Variants in SEC13 observed in about 807,000 individuals in gnomAD.
SEC13 encodes the protein SEC13 homolog, nuclear pore and COPII component, also known as protein SEC13 homolog.
In SEC13, 25 loss-of-function variants were observed where a neutral mutation model predicts 49.2. The observed-to-expected ratio is 0.51, with a 90% CI of 0.37 to 0.71. The LOEUF (loss-of-function observed/expected upper bound fraction) is 0.71, where lower values mean the gene tolerates loss of function less well. SEC13 is among the 30% of genes least tolerant of loss of function. The pLI is 0.00. For missense variants in SEC13, 383 were observed against 417.6 expected, an observed-to-expected ratio of 0.92 and a Z score of 0.72; for synonymous variants, 148 against 163.9, an observed-to-expected ratio of 0.90 and a Z score of 0.74.
At chr3:10,310,609 C>G (rs911494863) in intron 5 of SEC13, among the ~76,000 whole-genome samples, 6 of 152,120 alleles carry the variant, frequency 3.9e-5, no homozygotes, top group African/African-American at 1.4e-4. Context: ...AAATTAGAAC[C>G]CTCATACACT....
At chr3:10,313,131 C>A (rs756854662) in intron 3 of SEC13, 8 of 228,074 alleles carry the variant, frequency 3.5e-5, no homozygotes, top group Middle Eastern at 2.0e-3. Context: ...TCCTTCCCGA[C>A]GGTCAGCTTC....
intron 2 of SEC13, among the ~76,000 whole-genome samples, chr3:10,316,592 T>G (rs1202930275): frequency 6.6e-6 from 1 of 152,144 alleles, no homozygotes; most frequent in African/African-American, 2.4e-5. Flanking sequence ...TTGAAAACAC[T>G]TCATCTCCTT....
chr3:10,312,383 T>A (rs1701329846), intron 4 of SEC13, among the ~76,000 whole-genome samples, 196 bp downstream of exon 4: 1 of 152,214 alleles, frequency 6.6e-6, no homozygotes, highest in Non-Finnish European at 1.5e-5. Flanking sequence ...CTCACCTGTC[T>A]TTTCTTATTT....
At chr3:10,312,510 T>C in intron 4 of SEC13, 69 bp downstream of exon 4, 3 of 1,560,936 alleles carry the variant, frequency 1.9e-6, no homozygotes, top group South Asian at 1.2e-5. Context: ...GAGCCAGGGC[T>C]CCAGCCGGGA....
chr3:10,315,159 G>A lies in SEC13; in HGVS notation c.164+162C>T, dbSNP rs558191570. 1.3e-4 allele frequency: 78 copies of A among 600,450 alleles called. No individual in the cohort carries two copies. In the Middle Eastern group the frequency reaches 4.7e-3, roughly 36 times the overall value. The allele number at this position is 600,450 out of a possible 1,614,324, so 37.2% of individuals were successfully genotyped here. ...AACAGCATCATCCCTGGGGACGTCC[G>A]CTGAGGACAGCCAGGCTGGCTGGGA... On this transcript the variant is annotated intron_variant, in intron 3 of 8. Transcript: ENST00000350697.
chr3:10,301,022 A>C lies in SEC13; in HGVS notation c.*239T>G. ...AAGGTACATAAAAATGACCCAAAAT[A>C]GATTTGAACATCACTTGTAGTTTCT... On this transcript the variant is annotated 3_prime_UTR_variant, in exon 9 of 9. Transcript: ENST00000350697. 6.6e-7 allele frequency: 1 copy of C among 1,523,650 alleles called. No individual in the cohort carries two copies. Among genetic ancestry groups the C allele is most frequent in the Non-Finnish European group, 9.0e-7 (1 of 1,112,946 alleles). 94.4% of individuals were successfully genotyped at this position (1,523,650 alleles called of 1,614,324 possible). A position where few individuals can be genotyped will look rare whatever the true frequency, so the allele number is the denominator to read the frequency against.
At chr3:10,317,844 T>C (rs1293726792) in intron 2 of SEC13, among the ~76,000 whole-genome samples, 2 of 152,184 alleles carry the variant, frequency 1.3e-5, no homozygotes, top group Middle Eastern at 3.2e-3. Context: ...AGAGAGTGAT[T>C]AGACTGCCAC....
At chr3:10,317,965 G>T in intron 2 of SEC13, 85 bp downstream of exon 2, 1 of 856,486 alleles carries the variant, frequency 1.2e-6, no homozygotes, top group South Asian at 1.4e-5. Context: ...TCAACAGAAA[G>T]GGGTAATGAA....
chr3:10,302,468 G>A lies in SEC13; in HGVS notation c.856-1094C>T, dbSNP rs550562365. 9.2e-5 allele frequency among the ~76,000 whole-genome samples: 14 copies of A among 152,222 alleles called. No homozygotes were observed. In the South Asian group the frequency reaches 2.3e-3, roughly 25 times the overall value. On this transcript the variant is annotated intron_variant, in intron 8 of 8. Transcript: ENST00000350697. ...GTAAAGAAGAGCAAGAAGCCTAAAT[G>A]CACAGTGACGGGCCCCACAACACTG...
intron 5 of SEC13, among the ~76,000 whole-genome samples, chr3:10,310,970 T>C (rs1701215721): frequency 6.6e-6 from 1 of 152,036 alleles, no homozygotes; most frequent in Non-Finnish European, 1.5e-5. Context: ...AGACCACAGA[T>C]TGTCTCATTC....
At chr3:10,306,496 G>T (rs1447732728) in intron 5 of SEC13, among the ~76,000 whole-genome samples, 5 of 152,150 alleles carry the variant, frequency 3.3e-5, no homozygotes, top group Non-Finnish European at 7.4e-5. Context: ...CTTGTAAAAT[G>T]GTGATACTCT....
At chr3:10,303,146 C>G (rs1700647502) in intron 8 of SEC13, among the ~76,000 whole-genome samples, 1 of 152,178 alleles carries the variant, frequency 6.6e-6, no homozygotes, top group Non-Finnish European at 1.5e-5. Context: ...TGCCGTGAGC[C>G]ACACAAATGA....
At position 10,304,141 on chromosome 3, in the gene SEC13, T is replaced by A; in HGVS notation, c.740A>T (p.Asp247Val). ...AGGGGACCACGTATTGCTTGAGGCA[T>A]CATCACAGGTCCAAATGAACACACG... ...DGRVFIWTCD[D>V]ASSNTWSPKL... The change falls in exon 8 of 9, where the codon GAT (aspartate) becomes GTT (valine). Residue 247 changes from aspartate to valine, a missense_variant. By Grantham distance (152) the Asp-to-Val change is radical (BLOSUM62 -3). Transcript: ENST00000350697. 6.2e-7 allele frequency: 1 copy of A among 1,614,072 alleles called. No individual in the cohort carries two copies. The highest frequency in any genetic ancestry group is 8.5e-7 in the Non-Finnish European group (1 of 1,179,984).
At position 10,315,308 on chromosome 3, in the gene SEC13, C is replaced by G; in HGVS notation, c.164+13G>C. ...CATTCCTGGAGCCCTTCCCTGGGCT[C>G]GCCAGCACTTACCCCCTGAGGTCGG... is the stretch of plus-strand genomic sequence containing the variant. On this transcript the variant is annotated intron_variant, in intron 3 of 8. Transcript: ENST00000350697. The G allele has an allele frequency of 6.3e-7, 1 of 1,597,088 alleles. No individual in the cohort carries two copies. Among genetic ancestry groups the G allele is most frequent in the Non-Finnish European group, 8.6e-7 (1 of 1,164,986 alleles).
chr3:10,319,437 G>C, intron 1 of SEC13: 1 of 588,978 alleles, frequency 1.7e-6, no homozygotes. Flanking sequence ...AGAGACCTGC[G>C]ACAGACTAAG....
At position 10,304,089 on chromosome 3, in the gene SEC13, C is replaced by T. The variant is rs781444946; in HGVS notation, c.792G>A (p.Val264=). The T allele has an allele frequency of 6.2e-7, 1 of 1,614,170 alleles. No individual in the cohort carries two copies. The highest frequency in any genetic ancestry group is 2.2e-5 in the East Asian group (1 of 44,882). Residue 264 remains valine, a synonymous_variant, in exon 8 of 9, where the codon GTG becomes GTA. Coordinates refer to ENST00000350697, the MANE Select transcript of SEC13 (RefSeq NM_183352.3). ...TGATGGACCAGCTCACATGCCACAC[C>T]ACATCGTTGAACTTGTGCAACAATT... The part of the protein sequence containing the change: ...SPKLLHKFND[V]VWHVSWSITA...
At chr3:10,313,701 AGAATG>A (rs968258067) in intron 3 of SEC13, 2 of 189,630 alleles carry the variant, frequency 1.1e-5, no homozygotes, top group Non-Finnish European at 2.3e-5. Flanking sequence ...AGGGGAAAAA[AGAATG>A]GGGTGGGAAT....
chr3:10,314,836 AT>A (rs1701503414), intron 3 of SEC13: 1 of 153,978 alleles, frequency 6.5e-6, no homozygotes, highest in Admixed American at 6.4e-5. Context: ...TTCTTACATT[AT>A]TCTTACGGTG....
chr3:10,305,592 G>A lies in SEC13; in HGVS notation c.551C>T (p.Ser184Leu). ...QKPNYIKRFA[S>L]GGCDNLIKLW... ...CTTGATGAGGTTGTCACAGCCACCTGATGCAAACCTCTTGATGTAATTGGG... is the reference window on the plus strand; with the variant it reads ...CTTGATGAGGTTGTCACAGCCACCTAATGCAAACCTCTTGATGTAATTGGG... The change falls in exon 6 of 9, where the codon TCA becomes TTA. Residue 184 changes from serine to leucine, a missense_variant. Transcript: ENST00000350697. 1.9e-6 allele frequency: 3 copies of A among 1,614,154 alleles called. No homozygotes were observed. Among genetic ancestry groups the A allele is most frequent in the Non-Finnish European group, 2.5e-6 (3 of 1,180,022 alleles).
Sources: gnomAD v4.1 joint callset for allele counts (sites outside exome capture counted in the v4.1 genomes callset) on GRCh38, gnomAD v4.1.1 for gene constraint, MANE v1.5 for transcripts, NCBI Gene and HGNC (gene_info 2026-07-23, HGNC 2026-07-21) for gene names.